KLRG2: variants seen among roughly 807,000 people sequenced by gnomAD.
KLRG2 encodes killer cell lectin-like receptor subfamily G member 2.
KLRG2 carries 39 observed loss-of-function variants against 35.4 expected under a neutral mutation model. That is an observed-to-expected ratio of 1.10 (90% CI 0.85 to 1.44). The LOEUF (loss-of-function observed/expected upper bound fraction) is 1.44, where lower values mean the gene tolerates loss of function less well. KLRG2 is among the 40% of genes most tolerant of loss of function. KLRG2 has a pLI of 0.00. For synonymous variants in KLRG2, 283 were observed against 265.8 expected (o/e 1.06, Z -0.63); for missense variants, 632 against 570.9 (o/e 1.11, Z -1.09).
At chr7:139,448,367 T>C (rs182659850), downstream of KLRG2, among the ~76,000 whole-genome samples, 348 of 152,362 alleles carry the variant, frequency 2.3e-3, 2 homozygotes, top group African/African-American at 7.9e-3. Context: ...TCTGTTTGTA[T>C]GCCTGAAGCT....
chr7:139,478,205 A>G (rs910756591), intron 3 of KLRG2, among the ~76,000 whole-genome samples: 1 of 151,556 alleles, frequency 6.6e-6, no homozygotes, highest in Non-Finnish European at 1.5e-5. Flanking sequence ...TTGTGTCTCT[A>G]CAAAAAATAA....
At chr7:139,446,140 C>CT in the KLRG2 span, among the ~76,000 whole-genome samples, 3 of 151,760 alleles carry the variant, frequency 2.0e-5, no homozygotes, top group Non-Finnish European at 4.4e-5. Flanking sequence ...CATGGCCAGT[C>CT]TAAAATATTT....
At chr7:139,475,558 T>A (rs1354298571) in intron 3 of KLRG2, among the ~76,000 whole-genome samples, 2 of 150,610 alleles carry the variant, frequency 1.3e-5, no homozygotes, top group Non-Finnish European at 3.0e-5. Context: ...CTCGTCCCCG[T>A]GCTGGGGGGG....
chr7:139,439,261 G>A, the KLRG2 span, among the ~76,000 whole-genome samples: 1 of 152,226 alleles, frequency 6.6e-6, no homozygotes, highest in Non-Finnish European at 1.5e-5. Flanking sequence ...TATGCTGCAT[G>A]CAATGCACAT....
intron 4 of KLRG2, 71 bp downstream of exon 4, chr7:139,454,040 G>C: frequency 2.1e-6 from 2 of 970,776 alleles, no homozygotes; most frequent in Non-Finnish European, 3.2e-6. Flanking sequence ...GGAGCAGCAA[G>C]GAGGTGGAGT....
intron 3 of KLRG2, among the ~76,000 whole-genome samples, chr7:139,470,544 G>A (rs1464860952): frequency 7.9e-5 from 12 of 152,120 alleles, no homozygotes; most frequent in Admixed American, 7.2e-4. Context: ...ACAATCCCAG[G>A]ACTTTGGGAG....
chr7:139,432,723 A>G, the KLRG2 span, among the ~76,000 whole-genome samples: 1 of 152,166 alleles, frequency 6.6e-6, no homozygotes, highest in Non-Finnish European at 1.5e-5. Context: ...TAACCTATGC[A>G]TATCATCTCT....
At chr7:139,430,593 A>G in the KLRG2 span, among the ~76,000 whole-genome samples, 8 of 152,210 alleles carry the variant, frequency 5.3e-5, no homozygotes, top group African/African-American at 1.7e-4. Context: ...TATCCTTACC[A>G]TATGACCCAG....
At chr7:139,441,308 T>C in the KLRG2 span, among the ~76,000 whole-genome samples, 1 of 152,184 alleles carries the variant, frequency 6.6e-6, no homozygotes, top group Non-Finnish European at 1.5e-5. Context: ...AAGGATGAGT[T>C]CATGTCCTTT....
chr7:139,430,074 A>G, the KLRG2 span, among the ~76,000 whole-genome samples: 2 of 152,214 alleles, frequency 1.3e-5, no homozygotes, highest in Non-Finnish European at 2.9e-5. Context: ...TTGAGCACAT[A>G]AAAGGAGAAT....
intron 3 of KLRG2, among the ~76,000 whole-genome samples, chr7:139,465,741 C>T (rs2116450887): frequency 1.3e-5 from 2 of 151,852 alleles, no homozygotes; most frequent in East Asian, 3.9e-4. Flanking sequence ...GAGTCATTCA[C>T]TGCAAGCAGC....
In KLRG2 at chr7:139,483,405, C is replaced by A; in HGVS notation, c.238G>T (p.Val80Leu). Residue 80 changes from valine (V) to leucine (L), a missense_variant, in exon 1 of 5, where the codon GTG becomes TTG. Coordinates refer to ENST00000340940, the MANE Select transcript of KLRG2 (RefSeq NM_198508.4). ...CCGTAGCCCAGGCTGAGCGGCGGCACGCGCGGGGACCCGGGGCGAGGCGAA... is the reference window on the plus strand; with the variant it reads ...CCGTAGCCCAGGCTGAGCGGCGGCAAGCGCGGGGACCCGGGGCGAGGCGAA... ...PPSPRPGSPR[V>L]PPLSLGYGVC... 6.5e-7 allele frequency: 1 copy of A among 1,542,476 alleles called. No individual in the cohort carries two copies. The highest frequency in any genetic ancestry group is 8.6e-7 in the Non-Finnish European group (1 of 1,157,204).
the KLRG2 span, among the ~76,000 whole-genome samples, chr7:139,439,396 G>A: frequency 2.4e-4 from 37 of 152,306 alleles, no homozygotes; most frequent in African/African-American, 8.4e-4. Flanking sequence ...GGAGCTTTCT[G>A]GGGGGCTGTC....
At chr7:139,445,798 T>TATATATATATACAC in the KLRG2 span, among the ~76,000 whole-genome samples, 3 of 126,070 alleles carry the variant, frequency 2.4e-5, 1 homozygote, top group Admixed American at 7.2e-5. Flanking sequence ...TATATGTGTG[T>TATATATATATACAC]ATATATATAT....
intron 3 of KLRG2, among the ~76,000 whole-genome samples, chr7:139,455,138 C>T (rs1311481044): frequency 1.3e-5 from 2 of 151,370 alleles, no homozygotes; most frequent in African/African-American, 2.4e-5. Context: ...CCCGCCTCAG[C>T]CTCCTGAGAG....
downstream of KLRG2, among the ~76,000 whole-genome samples, chr7:139,450,330 T>C (rs892723118): frequency 1.4e-4 from 21 of 152,202 alleles, no homozygotes; most frequent in Middle Eastern, 3.4e-3. Flanking sequence ...TTCACGCCAT[T>C]CTCCTGTCTC....
chr7:139,453,643 C>G lies in KLRG2; in HGVS notation c.1174G>C (p.Val392Leu), dbSNP rs142414728. ...NCGALEEGTL[V>L]AANCSTPRPW... Reference sequence around the variant, plus strand: ...CTTGGAGTGCTGCAGTTTGCAGCCACCAGCGTGCCTTCCTCCAGGGCCCCA... The same window carrying G: ...CTTGGAGTGCTGCAGTTTGCAGCCAGCAGCGTGCCTTCCTCCAGGGCCCCA... The change falls in exon 5 of 5, where the codon GTG (valine) becomes CTG (leucine). Residue 392 changes from valine to leucine, a missense_variant. By Grantham distance (32) the Val-to-Leu change is conservative (BLOSUM62 1). Transcript: ENST00000340940. The G allele has an allele frequency of 6.2e-7, 1 of 1,613,796 alleles. No individual in the cohort carries two copies. Among genetic ancestry groups the G allele is most frequent in the South Asian group, 1.1e-5 (1 of 90,976 alleles).
chr7:139,450,353 A>G (rs1343846316), downstream of KLRG2, among the ~76,000 whole-genome samples: 2 of 152,044 alleles, frequency 1.3e-5, no homozygotes, highest in South Asian at 2.1e-4. Context: ...CCTCCCGAGT[A>G]GCTGGGACTA....
the KLRG2 span, among the ~76,000 whole-genome samples, chr7:139,433,909 C>G: frequency 6.6e-6 from 1 of 152,048 alleles, no homozygotes; most frequent in Non-Finnish European, 1.5e-5. Context: ...GTGCTGGGAG[C>G]ACTTCAGTGT....
Sources: gnomAD v4.1 joint callset for allele counts (sites outside exome capture counted in the v4.1 genomes callset) on GRCh38, gnomAD v4.1.1 for gene constraint, MANE v1.5 for transcripts, NCBI Gene and HGNC (gene_info 2026-07-23, HGNC 2026-07-21) for gene names.